Variants in MACF1 observed in about 807,000 individuals in gnomAD.
MACF1 encodes the protein microtubule actin crosslinking factor 1, also known as microtubule-actin cross-linking factor 1.
MACF1 carries 193 observed loss-of-function variants against 854.8 expected under a neutral mutation model. The ratio of observed to expected loss-of-function variants is 0.23; its 90% CI spans 0.20 to 0.25. The LOEUF (loss-of-function observed/expected upper bound fraction) is 0.25. Among genes scored for constraint, MACF1 ranks in the 10% least tolerant of loss-of-function variants. MACF1 has a pLI of 1.00. For synonymous variants in MACF1, 3,185 were observed against 3,226.7 expected (o/e 0.99, Z 0.44); for missense variants, 7,722 against 8,929.1 (o/e 0.86, Z 5.45).
At chr1:39,237,336 C>T (rs531879080) in intron 2 of MACF1, among the ~76,000 whole-genome samples, 1 of 152,280 alleles carries the variant, frequency 6.6e-6, no homozygotes, top group South Asian at 2.1e-4. Flanking sequence ...GAAGAGATGC[C>T]TGTGTGTTCA....
chr1:39,103,122 C>G (rs1226896958), intron 2 of MACF1: 1 of 502,390 alleles, frequency 2.0e-6, no homozygotes, highest in Admixed American at 3.1e-5. Context: ...GCAGAAGTTT[C>G]TTCTTTGATT....
At chr1:39,336,870 C>T (rs1195665819) in intron 37 of MACF1, among the ~76,000 whole-genome samples, 1 of 152,138 alleles carries the variant, frequency 6.6e-6, no homozygotes, top group African/African-American at 2.4e-5. Context: ...TTTCTGAAAT[C>T]TGCAAGGGTT....
intron 21 of MACF1, 102 bp downstream of exon 21, chr1:39,297,847 TGTTG>T: frequency 4.4e-6 from 6 of 1,372,152 alleles, no homozygotes; most frequent in Admixed American, 4.4e-5. Flanking sequence ...AATGGGCCAT[TGTTG>T]TAATAAAGTT....
intron 93 of MACF1, 34 bp downstream of exon 93, chr1:39,462,071 T>A: frequency 6.2e-7 from 1 of 1,607,650 alleles, no homozygotes. Flanking sequence ...AGTACACTTC[T>A]GGCTGTAGGT....
At chr1:39,433,231 T>C in intron 68 of MACF1, 76 bp downstream of exon 68, 2 of 894,380 alleles carry the variant, frequency 2.2e-6, no homozygotes, top group East Asian at 2.6e-5. Context: ...TGTGAAATGA[T>C]GGTTTAAGGC....
chr1:39,413,271 C>T (rs1185481701), intron 58 of MACF1: 3 of 1,605,856 alleles, frequency 1.9e-6, no homozygotes, highest in Non-Finnish European at 1.7e-6. Flanking sequence ...AGCCCGCCTC[C>T]CCAGCTGCTG....
At chr1:39,304,833 A>G (rs1393647694) in intron 23 of MACF1, 3 of 213,696 alleles carry the variant, frequency 1.4e-5, no homozygotes, top group East Asian at 2.6e-4. Context: ...AAGTGCTGGG[A>G]TTACAGGCGT....
At chr1:39,203,316 C>T (rs1025477122), upstream of MACF1, among the ~76,000 whole-genome samples, 15 of 152,198 alleles carry the variant, frequency 9.9e-5, no homozygotes, top group African/African-American at 3.6e-4. Flanking sequence ...CATCTTCCCA[C>T]CTCAGCCTCC....
At chr1:39,302,505 G>A (rs910404383) in intron 22 of MACF1, among the ~76,000 whole-genome samples, 4 of 152,190 alleles carry the variant, frequency 2.6e-5, no homozygotes, top group Admixed American at 6.5e-5. Flanking sequence ...ATTCCAAAAT[G>A]CTTAAACATT....
At chr1:39,325,527 GT>G (rs1252005218) in intron 35 of MACF1, among the ~76,000 whole-genome samples, 4 of 152,186 alleles carry the variant, frequency 2.6e-5, no homozygotes, top group Admixed American at 6.5e-5. Flanking sequence ...GAAGGGTTTT[GT>G]TTTCTTAAAA....
rs181828180 is a variant in MACF1, at chr1:39,210,380, A to T, written c.109+5249A>T. On this transcript the variant is annotated intron_variant, in intron 1 of 100. Coordinates refer to ENST00000564288, the MANE Select transcript of MACF1 (RefSeq NM_001394062.1). ...TCTTTTCCATTCCTTTCCTTTTTTT[A>T]AAAAAAAAAAAGAGACGAGGTTTTG... Among the ~76,000 whole-genome samples, 1,233 of 143,684 alleles carry T rather than the reference A, an allele frequency of 8.6e-3. 10 individuals are homozygous for T. Among genetic ancestry groups the T allele is most frequent in the African/African-American group, 0.024 (929 of 39,490 alleles). The allele number at this position is 143,684 out of a possible 152,430, so 94.3% of individuals were successfully genotyped here.
chr1:39,103,412 T>C (rs928907630), intron 2 of MACF1: 4 of 176,494 alleles, frequency 2.3e-5, no homozygotes, highest in Non-Finnish European at 4.9e-5. Context: ...GTATGCGTGA[T>C]TTCTGTCTGG....
At position 39,307,578 on chromosome 1, in the gene MACF1, T is replaced by G. The variant is rs115120345; in HGVS notation, c.2790-1992T>G. On this transcript the variant is annotated intron_variant, in intron 23 of 100. Coordinates refer to ENST00000564288, the MANE Select transcript of MACF1 (RefSeq NM_001394062.1). ...AAGTTTTTTCTTGGATGATGATGAT[T>G]ATTATTATTATTTTGAGACAGTCTC... Among the ~76,000 whole-genome samples, 278 of 152,194 alleles carry G rather than the reference T, an allele frequency of 1.8e-3. 2 individuals carry two copies. The highest frequency in any genetic ancestry group is 5.3e-3 in the African/African-American group (222 of 41,524).
intron 6 of MACF1, among the ~76,000 whole-genome samples, chr1:39,264,260 C>T (rs1044594441): frequency 2.6e-5 from 4 of 152,144 alleles, no homozygotes; most frequent in Non-Finnish European, 5.9e-5. Context: ...ACTGGAATTG[C>T]TGGGTTATAT....
intron 2 of MACF1, among the ~76,000 whole-genome samples, chr1:39,178,508 C>T (rs566132109): frequency 6.6e-6 from 1 of 152,292 alleles, no homozygotes; most frequent in East Asian, 1.9e-4. Context: ...GTAGTTCACC[C>T]CAGTGGGGCA....
intron 68 of MACF1, among the ~76,000 whole-genome samples, chr1:39,433,747 C>T (rs908103789): frequency 3.9e-5 from 6 of 152,080 alleles, no homozygotes; most frequent in Non-Finnish European, 7.3e-5. Flanking sequence ...AAGATTCCAT[C>T]GTAGCCCCTT....
chr1:39,269,814 T>C, intron 6 of MACF1: 2 of 1,057,128 alleles, frequency 1.9e-6, no homozygotes, highest in Non-Finnish European at 2.5e-6. Flanking sequence ...GTGAGGATGT[T>C]GGTGCCTCTC....
intron 1 of MACF1, among the ~76,000 whole-genome samples, chr1:39,221,863 T>C (rs932169710): frequency 6.6e-6 from 1 of 152,232 alleles, no homozygotes. Flanking sequence ...TGGCCTTCAG[T>C]CCAAAGCCAG....
intron 88 of MACF1, 26 bp downstream of exon 88, chr1:39,453,876 T>C: frequency 6.2e-7 from 1 of 1,613,522 alleles, no homozygotes; most frequent in Non-Finnish European, 8.5e-7. Context: ...AGAGGAGGAC[T>C]GCACACGCCC....
Sources: gnomAD v4.1 joint callset for allele counts (sites outside exome capture counted in the v4.1 genomes callset) on GRCh38, gnomAD v4.1.1 for gene constraint, MANE v1.5 for transcripts, NCBI Gene and HGNC (gene_info 2026-07-23, HGNC 2026-07-21) for gene names.